Variants in DCDC2 observed in about 807,000 individuals in gnomAD.
DCDC2 encodes doublecortin domain containing 2, also known as doublecortin domain-containing protein 2.
Under a neutral mutation model 50.2 loss-of-function variants are expected in DCDC2, and 40 were observed. That is an observed-to-expected ratio of 0.80 (90% CI 0.62 to 1.04). The LOEUF is 1.04. Among genes scored for constraint, DCDC2 ranks in the 50% least tolerant of loss-of-function variants. The pLI is 0.00. For missense variants in DCDC2, 570 were observed against 581.9 expected, an observed-to-expected ratio of 0.98 and a Z score of 0.21; for synonymous variants, 234 against 210.6, an observed-to-expected ratio of 1.11 and a Z score of -0.96.
intron 7 of DCDC2, among the ~76,000 whole-genome samples, chr6:24,224,560 G>T (rs1380393032): frequency 1.3e-5 from 2 of 152,224 alleles, no homozygotes; most frequent in Non-Finnish European, 2.9e-5. Flanking sequence ...CATATGTGGT[G>T]TGCACTGGTG....
Position 24,278,106 on chromosome 6 carries a change from T to C in DCDC2, c.865A>G (p.Thr289Ala). 6.2e-7 allele frequency: 1 copy of C among 1,613,888 alleles called. No homozygotes were observed. Among genetic ancestry groups the C allele is most frequent in the Non-Finnish European group, 8.5e-7 (1 of 1,179,858 alleles). ...KKEDVNSEKL[T>A]KLKQNVKLKN... ...AATTTTACATTTTGTTTCAATTTCG[T>C]CAGTTTTTCTGAATTCACGTCTTCT... Residue 289 changes from threonine (T) to alanine (A), a missense_variant, in exon 7 of 10, where the codon ACG (threonine) becomes GCG (alanine). Thr to Ala is a moderately conservative substitution (Grantham distance 58). Coordinates refer to ENST00000378454, the MANE Select transcript of DCDC2 (RefSeq NM_016356.5).
chr6:24,258,397 G>T (rs1365750404), intron 7 of DCDC2, among the ~76,000 whole-genome samples: 1 of 152,110 alleles, frequency 6.6e-6, no homozygotes. Context: ...GAGCTGATTG[G>T]TGCACTTTTA....
chr6:24,258,077 G>C (rs540681966), intron 7 of DCDC2, among the ~76,000 whole-genome samples: 1 of 152,176 alleles, frequency 6.6e-6, no homozygotes, highest in African/African-American at 2.4e-5. Context: ...TGTGTTCAGA[G>C]TGGGTTCCTT....
chr6:24,178,440 C>T lies in DCDC2; in HGVS notation c.1216G>A (p.Gly406Arg). 6.2e-7 allele frequency: 1 copy of T among 1,614,180 alleles called. No individual in the cohort carries two copies. Residue 406 changes from glycine to arginine, a missense_variant, in exon 9 of 10, where the codon GGA becomes AGA. Coordinates refer to ENST00000378454, the MANE Select transcript of DCDC2 (RefSeq NM_016356.5). ...TCACCATTCTCCTCATCGGTGCCTC[C>T]ATTTACACGAGCAGGGCGTGCCTGC... ...EQQARPARVNGGTDEENGEEL... is the reference protein window; with the variant it reads ...EQQARPARVNRGTDEENGEEL...
At chr6:24,371,177 T>G in the DCDC2 span, among the ~76,000 whole-genome samples, 1 of 147,104 alleles carries the variant, frequency 6.8e-6, no homozygotes, top group African/African-American at 2.5e-5. Context: ...CTCAGGAGGC[T>G]GAGGCGGGAG....
At chr6:24,358,914 ATATATAT>A (rs1229637570), upstream of DCDC2, among the ~76,000 whole-genome samples, 115 of 35,978 alleles carry the variant, frequency 3.2e-3, 10 homozygotes, top group Admixed American at 0.042. Context: ...ATTATATATT[ATATATAT>A]TATATATTAT....
chr6:24,321,378 T>C lies in DCDC2; in HGVS notation c.349-19334A>G, dbSNP rs182381512. ...TAATTAATTACAAAGGAAAAAATAA[T>C]GGTAACTTTACAGTGGGGAAACCTG... On this transcript the variant is annotated intron_variant, in intron 2 of 9. Coordinates refer to ENST00000378454, the MANE Select transcript of DCDC2 (RefSeq NM_016356.5). 2.5e-3 allele frequency among the ~76,000 whole-genome samples: 381 copies of C among 152,222 alleles called. 2 individuals carry two copies. The highest frequency in any genetic ancestry group is 8.7e-3 in the African/African-American group (361 of 41,522).
chr6:24,369,041 G>T, the DCDC2 span, among the ~76,000 whole-genome samples: 1 of 150,390 alleles, frequency 6.6e-6, no homozygotes, highest in African/African-American at 2.5e-5. Context: ...GGCTGAGGCA[G>T]GAGAATTGCT....
At chr6:24,248,520 T>C (rs368579730) in intron 7 of DCDC2, among the ~76,000 whole-genome samples, 1 of 152,226 alleles carries the variant, frequency 6.6e-6, no homozygotes. Flanking sequence ...GTAGTATTAG[T>C]ATTAGTATCA....
intron 7 of DCDC2, among the ~76,000 whole-genome samples, chr6:24,229,963 C>A (rs1762306011): frequency 6.6e-6 from 1 of 152,152 alleles, no homozygotes; most frequent in South Asian, 2.1e-4. Context: ...ACCCAGCCTG[C>A]TCTTGGCCAC....
intron 7 of DCDC2, among the ~76,000 whole-genome samples, chr6:24,272,372 T>C (rs1311433744): frequency 1.3e-5 from 2 of 152,208 alleles, no homozygotes; most frequent in African/African-American, 4.8e-5. Context: ...ATCATACTAG[T>C]ACTTGATGTA....
intron 7 of DCDC2, among the ~76,000 whole-genome samples, chr6:24,241,111 A>AC (rs1460821188): frequency 1.3e-5 from 2 of 152,198 alleles, no homozygotes; most frequent in Admixed American, 6.5e-5. Context: ...AAAGCCCATG[A>AC]CCTTCAGCCA....
chr6:24,216,455 T>C (rs888089009), intron 7 of DCDC2, among the ~76,000 whole-genome samples: 1 of 152,184 alleles, frequency 6.6e-6, no homozygotes, highest in Admixed American at 6.5e-5. Context: ...GTAACAGTAA[T>C]TATAGTACAG....
chr6:24,329,885 G>GT (rs1759936744), intron 2 of DCDC2, among the ~76,000 whole-genome samples: 1 of 152,136 alleles, frequency 6.6e-6, no homozygotes, highest in South Asian at 2.1e-4. Context: ...CCATTGAATT[G>GT]TAATACTTGC....
At chr6:24,265,414 A>G (rs1350996930) in intron 7 of DCDC2, among the ~76,000 whole-genome samples, 2 of 152,200 alleles carry the variant, frequency 1.3e-5, no homozygotes, top group East Asian at 3.8e-4. Context: ...CAACAGACTA[A>G]ATGGACCTAA....
intron 2 of DCDC2, among the ~76,000 whole-genome samples, chr6:24,318,604 T>C (rs908250304): frequency 3.9e-4 from 59 of 152,032 alleles, no homozygotes; most frequent in Non-Finnish European, 1.3e-4. Flanking sequence ...ACATTCTATG[T>C]CCATTTGTAC....
the DCDC2 span, among the ~76,000 whole-genome samples, chr6:24,379,591 G>A: frequency 3.9e-5 from 6 of 152,176 alleles, no homozygotes; most frequent in Non-Finnish European, 7.3e-5. Flanking sequence ...CACTGTTGGT[G>A]GAAGTGTAAA....
intron 6 of DCDC2, among the ~76,000 whole-genome samples, chr6:24,288,555 G>C (rs909890311): frequency 2.0e-5 from 3 of 152,168 alleles, no homozygotes; most frequent in African/African-American, 7.2e-5. Context: ...TCATTGATGT[G>C]ACCTACTACA....
At chr6:24,335,764 T>G (rs373819474) in intron 2 of DCDC2, among the ~76,000 whole-genome samples, 1 of 151,994 alleles carries the variant, frequency 6.6e-6, no homozygotes, top group South Asian at 2.1e-4. Flanking sequence ...GCAGGAGAGT[T>G]AGCAAGAGCA....
Sources: gnomAD v4.1 joint callset for allele counts (sites outside exome capture counted in the v4.1 genomes callset) on GRCh38, gnomAD v4.1.1 for gene constraint, MANE v1.5 for transcripts, NCBI Gene and HGNC (gene_info 2026-07-23, HGNC 2026-07-21) for gene names.